RNGTT: variants seen among roughly 807,000 people sequenced by gnomAD.
The protein encoded by RNGTT is mRNA-capping enzyme.
A neutral mutation model predicts 79.3 loss-of-function variants in RNGTT; 33 were observed. The observed-to-expected ratio is 0.42, with a 90% CI of 0.32 to 0.56. The LOEUF (loss-of-function observed/expected upper bound fraction) is 0.56, where lower values mean the gene tolerates loss of function less well. Among genes scored for constraint, RNGTT ranks in the 20% least tolerant of loss-of-function variants. The pLI is 0.17. For synonymous variants in RNGTT, 222 were observed against 235.9 expected, an observed-to-expected ratio of 0.94 and a Z score of 0.54; for missense variants, 497 against 739.1, an observed-to-expected ratio of 0.67 and a Z score of 3.80.
At chr6:88,766,225 T>C (rs1778455546) in intron 13 of RNGTT, among the ~76,000 whole-genome samples, 1 of 152,148 alleles carries the variant, frequency 6.6e-6, no homozygotes, top group Non-Finnish European at 1.5e-5. Context: ...AGTAAGGAGA[T>C]AACCTAGGCA....
chr6:88,773,327 G>A (rs1359220402), intron 12 of RNGTT, among the ~76,000 whole-genome samples: 1 of 119,372 alleles, frequency 8.4e-6, no homozygotes, highest in Non-Finnish European at 1.7e-5. Flanking sequence ...TTGTGGGGTG[G>A]GGGGAGGGGG....
Position 88,760,985 on chromosome 6 carries a change from A to ATTTT in RNGTT, c.1439+8785_1439+8788dup, listed in dbSNP as rs35887359. ...TCAGCTTCCAAACCCAGCTCATTCT[A>ATTTT]TTTTTTTTTTTAATGAATTGAAGCA... On this transcript the variant is annotated intron_variant, in intron 13 of 15. Transcript: ENST00000369485. 4.1e-4 allele frequency among the ~76,000 whole-genome samples: 55 copies of ATTTT among 133,598 alleles called. No homozygotes were observed. The South Asian group carries it at 9.0e-3, about 22-fold the overall frequency. The allele number at this position is 133,598 out of a possible 152,430, so 87.6% of individuals were successfully genotyped here. A position where few individuals can be genotyped will look rare whatever the true frequency, so the allele number is the denominator to read the frequency against.
chr6:88,646,913 A>T (rs1475519231), intron 14 of RNGTT, among the ~76,000 whole-genome samples: 2 of 152,178 alleles, frequency 1.3e-5, no homozygotes, highest in Admixed American at 1.3e-4. Context: ...TAATGGGTGC[A>T]GATATACCTA....
chr6:88,614,417 G>C, intron 14 of RNGTT, 22 bp from the exon 15 acceptor site: 1 of 1,609,976 alleles, frequency 6.2e-7, no homozygotes. Flanking sequence ...GAGAATTGAG[G>C]AAAATATTTA....
chr6:88,817,966 A>G (rs1780376047), intron 11 of RNGTT, among the ~76,000 whole-genome samples: 1 of 151,468 alleles, frequency 6.6e-6, no homozygotes, highest in Admixed American at 6.6e-5. Context: ...TCACCGTGTT[A>G]GCCAAGATGG....
chr6:88,628,607 T>C (rs1772725772), intron 14 of RNGTT, among the ~76,000 whole-genome samples: 1 of 152,176 alleles, frequency 6.6e-6, no homozygotes, highest in African/African-American at 2.4e-5. Flanking sequence ...GATTTTTTCC[T>C]TCATAGGGAA....
intron 11 of RNGTT, among the ~76,000 whole-genome samples, chr6:88,812,043 A>G (rs1168426667): frequency 6.6e-6 from 1 of 152,162 alleles, no homozygotes; most frequent in Non-Finnish European, 1.5e-5. Flanking sequence ...ATGTCCTTCT[A>G]ATCAGTAAAT....
chr6:88,633,871 G>A (rs955414039), intron 14 of RNGTT, among the ~76,000 whole-genome samples: 1 of 152,124 alleles, frequency 6.6e-6, no homozygotes, highest in Admixed American at 6.6e-5. Context: ...TGGGGAGAGG[G>A]GAGCGGAGGA....
At position 88,811,181 on chromosome 6, in the gene RNGTT, C is replaced by G. The variant is rs559546383; in HGVS notation, c.1270-9549G>C. Reference sequence around the variant, plus strand: ...GGAATATCTGGTCAATCACCCTAAACTAGGATACAATCCTTTTCAGAATTA... The same window carrying G: ...GGAATATCTGGTCAATCACCCTAAAGTAGGATACAATCCTTTTCAGAATTA... On this transcript the variant is annotated intron_variant, in intron 11 of 15. Transcript: ENST00000369485. 4.0e-4 allele frequency among the ~76,000 whole-genome samples: 61 copies of G among 152,282 alleles called. No homozygotes were observed. The South Asian group carries it at 9.1e-3, about 23-fold the overall frequency.
At chr6:88,729,085 T>C (rs1471595433) in intron 13 of RNGTT, among the ~76,000 whole-genome samples, 1 of 152,192 alleles carries the variant, frequency 6.6e-6, no homozygotes, top group Admixed American at 6.5e-5. Context: ...CTCTGCTATA[T>C]GTCAAAGTCC....
chr6:88,948,624 A>G (rs1209074195), intron 1 of RNGTT, among the ~76,000 whole-genome samples: 7 of 144,994 alleles, frequency 4.8e-5, no homozygotes, highest in Admixed American at 4.7e-4. Context: ...CCAACAGCTC[A>G]TTGAGAACGG....
rs1783534041 is a variant in RNGTT at position 88,903,266 on chromosome 6, G to A, written c.684+1449C>T. ...CACTGTAGTAGTCCCAGCAACTCAGGAGGTTGAGGTAGAAGGATCACTGAA... is the reference window on the plus strand; with the variant it reads ...CACTGTAGTAGTCCCAGCAACTCAGAAGGTTGAGGTAGAAGGATCACTGAA... On this transcript the variant is annotated intron_variant, in intron 6 of 15. Coordinates refer to ENST00000369485, the MANE Select transcript of RNGTT (RefSeq NM_003800.5). 2.6e-5 allele frequency among the ~76,000 whole-genome samples: 4 copies of A among 152,190 alleles called. No homozygotes were observed. In the South Asian group the frequency reaches 8.3e-4, roughly 32 times the overall value.
intron 8 of RNGTT, among the ~76,000 whole-genome samples, chr6:88,879,554 C>T (rs1242645066): frequency 6.6e-6 from 1 of 152,042 alleles, no homozygotes; most frequent in Non-Finnish European, 1.5e-5. Flanking sequence ...ATTGAGCACC[C>T]TGCTCTAACA....
chr6:88,638,730 A>C (rs550801155), intron 14 of RNGTT, among the ~76,000 whole-genome samples: 31 of 152,302 alleles, frequency 2.0e-4, no homozygotes, highest in Non-Finnish European at 4.0e-4. Flanking sequence ...TATTGGCTAC[A>C]AAAAGTGAGA....
intron 14 of RNGTT, among the ~76,000 whole-genome samples, chr6:88,646,664 T>TA (rs1388669103): frequency 1.3e-5 from 2 of 152,126 alleles, no homozygotes; most frequent in Non-Finnish European, 2.9e-5. Context: ...TATGCAGCCA[T>TA]AAAAAATGAT....
intron 14 of RNGTT, among the ~76,000 whole-genome samples, chr6:88,641,014 TA>T (rs1326139559): frequency 6.6e-6 from 1 of 152,128 alleles, no homozygotes; most frequent in East Asian, 1.9e-4. Context: ...TCCAGTTGGA[TA>T]AAAAGCTCCC....
At chr6:88,914,699 T>C (rs1367380207) in intron 4 of RNGTT, among the ~76,000 whole-genome samples, 1 of 152,106 alleles carries the variant, frequency 6.6e-6, no homozygotes, top group Non-Finnish European at 1.5e-5. Context: ...GAAGAAAACC[T>C]AGGAAATAGC....
At chr6:88,628,665 G>A (rs1772728252) in intron 14 of RNGTT, among the ~76,000 whole-genome samples, 2 of 152,096 alleles carry the variant, frequency 1.3e-5, no homozygotes, top group African/African-American at 2.4e-5. Flanking sequence ...ATGTAGCTGA[G>A]CACTTTACAT....
At position 88,874,113 on chromosome 6, in the gene RNGTT, C is replaced by T. The variant is rs1309227404; in HGVS notation, c.896+16382G>A. Among the ~76,000 whole-genome samples the T allele has an allele frequency of 2.6e-5, 4 of 152,058 alleles. No individual in the cohort carries two copies. In the East Asian group the frequency reaches 7.7e-4, roughly 29 times the overall value. Reference sequence around the variant, plus strand: ...GAGAATGTACAGTGTCTTCATTAGACTTCAAAGTGTAAAATCAAATGATAT... The same window carrying T: ...GAGAATGTACAGTGTCTTCATTAGATTTCAAAGTGTAAAATCAAATGATAT... On this transcript the variant is annotated intron_variant, in intron 8 of 15. Coordinates refer to ENST00000369485, the MANE Select transcript of RNGTT (RefSeq NM_003800.5).
Sources: allele counts gnomAD v4.1 joint callset (sites outside exome capture counted in the v4.1 genomes callset), GRCh38; gene constraint gnomAD v4.1.1; transcripts MANE v1.5; gene names NCBI Gene and HGNC (gene_info 2026-07-23, HGNC 2026-07-21).